TEX264: variants seen among roughly 807,000 people sequenced by gnomAD.
The protein encoded by TEX264 is testis expressed 264, ER-phagy receptor.
A neutral mutation model predicts 23.4 loss-of-function variants in TEX264; 13 were observed. The ratio of observed to expected loss-of-function variants is 0.56; its 90% confidence interval spans 0.36 to 0.88. The LOEUF (loss-of-function observed/expected upper bound fraction) is 0.88, where lower values mean the gene tolerates loss of function less well. Ranked by LOEUF, TEX264 falls within the 40% of genes least tolerant of loss-of-function variation. The probability of loss-of-function intolerance (pLI) is 0.01; values close to 1 mark genes in which losing one functional copy is unlikely to be tolerated. For missense variants in TEX264, 340 were observed against 406.8 expected (o/e 0.84, Z 1.41); for synonymous variants, 159 against 170.0 (o/e 0.94, Z 0.50).
intron 2 of TEX264, among the ~76,000 whole-genome samples, chr3:51,677,400 T>C (rs1365698713): frequency 6.6e-6 from 1 of 152,124 alleles, no homozygotes; most frequent in Admixed American, 6.5e-5. Context: ...CAGCGTGGCA[T>C]GCTCTGGTTC....
intron 3 of TEX264, among the ~76,000 whole-genome samples, chr3:51,685,465 T>C (rs1702589787): frequency 6.6e-6 from 1 of 152,068 alleles, no homozygotes; most frequent in Non-Finnish European, 1.5e-5. Context: ...CAGACAAAAA[T>C]AGGACGTGTG....
At position 51,674,260 on chromosome 3, in the gene TEX264, C is replaced by T; in HGVS notation, c.-34-11C>T. ...GCTACCAGCCTCCTCTCCCTTCTTT[C>T]TCCTTTGCAGCTGCCTTGAGGTGCA... On this transcript the variant is annotated splice_polypyrimidine_tract_variant and intron_variant, in intron 1 of 4. Transcript: ENST00000341333. 1.2e-6 allele frequency: 2 copies of T among 1,609,920 alleles called. No individual in the cohort carries two copies. The highest frequency in any genetic ancestry group is 2.2e-5 in the South Asian group (2 of 90,970).
rs1480182989 is a variant in TEX264 at position 51,691,460 on chromosome 3, G to T, written c.480+6826G>T. ...TCCTCCAGCCACAGAGCCTAGCCATGCCTGGGTGTGGGGAGGGGAGGGATA... is the reference window on the plus strand; with the variant it reads ...TCCTCCAGCCACAGAGCCTAGCCATTCCTGGGTGTGGGGAGGGGAGGGATA... On this transcript the variant is annotated intron_variant, in intron 3 of 4. Transcript: ENST00000341333. The surrounding 1 kb of genome is among the most constrained non-coding windows in gnomAD (Gnocchi z 4.4). Among the ~76,000 whole-genome samples, 1 of 152,206 alleles carries T rather than the reference G, an allele frequency of 6.6e-6. No homozygotes were observed. Among genetic ancestry groups the T allele is most frequent in the African/African-American group, 2.4e-5 (1 of 41,446 alleles).
chr3:51,675,998 G>C (rs1048371313), intron 2 of TEX264, among the ~76,000 whole-genome samples: 1 of 152,166 alleles, frequency 6.6e-6, no homozygotes, highest in Non-Finnish European at 1.5e-5. Context: ...GAAGAGATTG[G>C]GCTGGGTCCA....
rs1559676409 is a variant in TEX264, at chr3:51,686,552, G to A, written c.480+1918G>A. On this transcript the variant is annotated intron_variant, in intron 3 of 4. Transcript: ENST00000341333. This position sits in a 1 kb window ranked among gnomAD's most constrained non-coding sequence, Gnocchi z 4.1. ...GAGAAGACCTGGAAAGGGGAGGGCT[G>A]TCACGGTGATAAGGCAAGGGCACAG... Among the ~76,000 whole-genome samples the A allele has an allele frequency of 6.6e-6, 1 of 152,156 alleles. No homozygotes were observed. The highest frequency in any genetic ancestry group is 2.1e-4 in the South Asian group (1 of 4,818).
chr3:51,687,356 A>G (rs1033501177), intron 3 of TEX264, among the ~76,000 whole-genome samples: 1 of 152,200 alleles, frequency 6.6e-6, no homozygotes, highest in Non-Finnish European at 1.5e-5. Context: ...TTTGCTGGTC[A>G]CAGCCTGCAG....
At chr3:51,692,403 T>C (rs1702860786) in intron 3 of TEX264, among the ~76,000 whole-genome samples, 1 of 152,156 alleles carries the variant, frequency 6.6e-6, no homozygotes, top group Non-Finnish European at 1.5e-5. Flanking sequence ...TGTCTAGTTA[T>C]GCAGGTGGGA....
intron 3 of TEX264, among the ~76,000 whole-genome samples, chr3:51,693,032 G>A (rs1341893301): frequency 6.6e-6 from 1 of 152,238 alleles, no homozygotes; most frequent in Non-Finnish European, 1.5e-5. Flanking sequence ...GGGCACTAAG[G>A]TGCTTAAGAG....
rs542905293 is a variant in TEX264, at chr3:51,685,322, G to T, written c.480+688G>T. On this transcript the variant is annotated intron_variant, in intron 3 of 4. Transcript: ENST00000341333. Reference sequence around the variant, plus strand: ...GGGAAATGACCCCAGTTTGGGCTTGGACGTGATTGTTCATTCATTTAACTT... The same window carrying T: ...GGGAAATGACCCCAGTTTGGGCTTGTACGTGATTGTTCATTCATTTAACTT... Among the ~76,000 whole-genome samples, 14 of 152,364 alleles carry T rather than the reference G, an allele frequency of 9.2e-5. No homozygotes were observed. In the South Asian group the frequency reaches 2.7e-3, roughly 29 times the overall value.
rs113803602 is a variant in TEX264, at chr3:51,673,773, G to GT, written c.-34-497dup. Among the ~76,000 whole-genome samples the GT allele has an allele frequency of 6.2e-3, 946 of 152,304 alleles. 7 individuals are homozygous for GT. The highest frequency in any genetic ancestry group is 0.021 in the African/African-American group (891 of 41,544). ...AGTTTTTGTTCCTTATGGTTTCCCT[G>GT]TCGTTAGTAAGTGTTTGGACCCTAG... On this transcript the variant is annotated intron_variant, in intron 1 of 4. Transcript: ENST00000341333.
intron 3 of TEX264, among the ~76,000 whole-genome samples, chr3:51,690,281 C>G (rs1702781972): frequency 6.6e-6 from 1 of 152,174 alleles, no homozygotes. Flanking sequence ...CCTGTAATCC[C>G]CACACTTTAG....
chr3:51,684,668 A>C, intron 3 of TEX264, 34 bp downstream of exon 3: 1 of 1,604,278 alleles, frequency 6.2e-7, no homozygotes, highest in East Asian at 2.2e-5. Flanking sequence ...TGTGTTGGGG[A>C]CAGCCAGGCC....
chr3:51,701,078 A>G (rs1174124407), intron 4 of TEX264, among the ~76,000 whole-genome samples: 1 of 152,194 alleles, frequency 6.6e-6, no homozygotes, highest in Admixed American at 6.5e-5. Flanking sequence ...TTGATGTATT[A>G]TTTAGCTTCA....
intron 3 of TEX264, among the ~76,000 whole-genome samples, chr3:51,694,077 T>TTCCGTCCG (rs1362318428): frequency 4.6e-5 from 5 of 108,168 alleles, no homozygotes; most frequent in South Asian, 3.6e-4. Context: ...TTCCCCTTCC[T>TTCCGTCCG]TCCGTCCGTC....
chr3:51,673,296 G>A (rs1052720525), intron 1 of TEX264, among the ~76,000 whole-genome samples: 8 of 151,894 alleles, frequency 5.3e-5, no homozygotes, highest in African/African-American at 1.5e-4. Flanking sequence ...TTTCCCCCCC[G>A]CCAGGCAACT....
intron 4 of TEX264, among the ~76,000 whole-genome samples, chr3:51,700,931 C>T (rs1182008753): frequency 1.3e-5 from 2 of 152,204 alleles, no homozygotes; most frequent in Admixed American, 6.5e-5. Context: ...GCCACTGACA[C>T]AGCAGTTGGT....
intron 3 of TEX264, among the ~76,000 whole-genome samples, chr3:51,685,765 G>A (rs1702600988): frequency 1.3e-5 from 2 of 152,228 alleles, no homozygotes; most frequent in South Asian, 4.1e-4. Context: ...TTAGGCCTGG[G>A]GCTAAGGAAT....
At chr3:51,696,335 G>C (rs1663660914) in intron 3 of TEX264, among the ~76,000 whole-genome samples, 1 of 152,190 alleles carries the variant, frequency 6.6e-6, no homozygotes, top group African/African-American at 2.4e-5. Flanking sequence ...AGTGTCCTTG[G>C]CCACTGGCAG....
chr3:51,688,868 T>C (rs1423575294), intron 3 of TEX264, among the ~76,000 whole-genome samples: 4 of 152,264 alleles, frequency 2.6e-5, no homozygotes, highest in South Asian at 2.1e-4. Flanking sequence ...GGCTCATGCC[T>C]GTAATCCCAA....
Sources: gnomAD v4.1 joint callset for allele counts (sites outside exome capture counted in the v4.1 genomes callset) on GRCh38, gnomAD v4.1.1 for gene constraint, Gnocchi (gnomAD v3.1) non-coding constraint, MANE v1.5 for transcripts, NCBI Gene and HGNC (gene_info 2026-07-23, HGNC 2026-07-21) for gene names.